PAG1: variants seen among roughly 807,000 people sequenced by gnomAD.
PAG1 encodes phosphoprotein membrane anchor with glycosphingolipid microdomains 1, also known as phosphoprotein associated with glycosphingolipid-enriched microdomains 1.
Under a neutral mutation model 31.7 loss-of-function variants are expected in PAG1, and 23 were observed. That is an observed-to-expected ratio of 0.73 (90% CI 0.52 to 1.03). The LOEUF is 1.03. Ranked by LOEUF, PAG1 falls within the 50% of genes least tolerant of loss-of-function variation. The pLI, the probability that PAG1 is intolerant of heterozygous loss-of-function variation, is 0.00. For synonymous variants in PAG1, 214 were observed against 210.3 expected (o/e 1.02, Z -0.15); for missense variants, 473 against 540.7 (o/e 0.87, Z 1.24).
At chr8:81,025,214 A>C (rs994724587) in intron 3 of PAG1, among the ~76,000 whole-genome samples, 1 of 151,780 alleles carries the variant, frequency 6.6e-6, no homozygotes. Context: ...AGACATTTTC[A>C]CCCACCTGAG....
chr8:81,044,668 A>G (rs1808610615), intron 2 of PAG1, among the ~76,000 whole-genome samples: 1 of 152,134 alleles, frequency 6.6e-6, no homozygotes, highest in Admixed American at 6.5e-5. Context: ...CTCCTTAGAG[A>G]TCTCACATAG....
chr8:80,982,050 G>A (rs59901921), intron 7 of PAG1, among the ~76,000 whole-genome samples: 74 of 151,872 alleles, frequency 4.9e-4, no homozygotes, highest in African/African-American at 1.7e-3. Context: ...ATTTTTTGTA[G>A]AGACGGGGTG....
chr8:81,053,512 A>C (rs1423319360), intron 2 of PAG1, among the ~76,000 whole-genome samples: 1 of 152,238 alleles, frequency 6.6e-6, no homozygotes, highest in Admixed American at 6.5e-5. Flanking sequence ...CTGTCAAAGG[A>C]ATTTCTGGTC....
At chr8:81,030,276 AT>A (rs1808357554) in intron 2 of PAG1, among the ~76,000 whole-genome samples, 187 bp from the exon 3 acceptor site, 1 of 152,260 alleles carries the variant, frequency 6.6e-6, no homozygotes, top group Non-Finnish European at 1.5e-5. Context: ...TAATAATTAA[AT>A]AAAAAAATTT....
intron 1 of PAG1, among the ~76,000 whole-genome samples, chr8:81,108,250 G>A (rs1352170938): frequency 6.6e-6 from 1 of 152,178 alleles, no homozygotes. Context: ...TAACTATTAA[G>A]TAAGCAAAAG....
intron 3 of PAG1, among the ~76,000 whole-genome samples, chr8:81,009,597 G>C (rs10808844): frequency 0.49 from 75,105 of 151,926 alleles, 21,331 homozygotes; most frequent in Non-Finnish European, 0.63. Context: ...TAGACCAGTG[G>C]TTTTCAACCC....
chr8:81,093,333 A>T (rs74861911), intron 1 of PAG1, among the ~76,000 whole-genome samples: 1,984 of 152,302 alleles, frequency 0.013, 45 homozygotes, highest in African/African-American at 0.044. Context: ...ATGAAGACCC[A>T]TGTATAATTA....
intron 1 of PAG1, among the ~76,000 whole-genome samples, chr8:81,089,547 G>A (rs1188670909): frequency 6.6e-6 from 1 of 150,388 alleles, no homozygotes; most frequent in African/African-American, 2.5e-5. Context: ...CAGCCTGGGC[G>A]ACAGAGCGAG....
chr8:81,108,703 C>T (rs1389646825), intron 1 of PAG1, among the ~76,000 whole-genome samples: 5 of 152,068 alleles, frequency 3.3e-5, no homozygotes, highest in Non-Finnish European at 7.4e-5. Context: ...CATTCCCCAC[C>T]TCTGGAACCC....
intron 1 of PAG1, among the ~76,000 whole-genome samples, chr8:81,081,682 T>C (rs865867051): frequency 2.0e-5 from 3 of 152,186 alleles, no homozygotes; most frequent in South Asian, 2.1e-4. Flanking sequence ...ATGTTACATG[T>C]AGCCATTTGG....
intron 2 of PAG1, among the ~76,000 whole-genome samples, chr8:81,058,342 G>C (rs1401890292): frequency 1.3e-5 from 2 of 152,130 alleles, no homozygotes; most frequent in Non-Finnish European, 2.9e-5. Flanking sequence ...GAATACTTGG[G>C]AAAAACAAAT....
chr8:80,978,106 C>A (rs950202237), intron 8 of PAG1, among the ~76,000 whole-genome samples: 2 of 152,106 alleles, frequency 1.3e-5, no homozygotes, highest in Non-Finnish European at 2.9e-5. Context: ...GACAGGCCTG[C>A]CACATGCTAA....
At chr8:81,097,330 G>T (rs1586218013) in intron 1 of PAG1, among the ~76,000 whole-genome samples, 1 of 152,198 alleles carries the variant, frequency 6.6e-6, no homozygotes, top group African/African-American at 2.4e-5. Context: ...ATGTGGAATG[G>T]GGTGCGGCAG....
chr8:81,088,355 T>C (rs765653363), intron 1 of PAG1, among the ~76,000 whole-genome samples: 6 of 152,242 alleles, frequency 3.9e-5, no homozygotes, highest in Non-Finnish European at 5.9e-5. Flanking sequence ...ATAATCATTA[T>C]TAACTGCGGA....
chr8:80,977,199 C>T (rs772720322), intron 8 of PAG1, among the ~76,000 whole-genome samples: 1 of 152,164 alleles, frequency 6.6e-6, no homozygotes, highest in Non-Finnish European at 1.5e-5. Flanking sequence ...CTGAAGGCCC[C>T]GGGGACCTGA....
At chr8:80,999,213 G>A (rs959083592) in intron 3 of PAG1, among the ~76,000 whole-genome samples, 1 of 152,234 alleles carries the variant, frequency 6.6e-6, no homozygotes, top group Non-Finnish European at 1.5e-5. Context: ...GCACGGATGA[G>A]TGTCTGTTGG....
intron 2 of PAG1, among the ~76,000 whole-genome samples, chr8:81,045,063 T>C (rs558787527): frequency 3.3e-5 from 5 of 152,230 alleles, no homozygotes; most frequent in African/African-American, 1.2e-4. Context: ...CCATTCAACA[T>C]CTCCTAGCAA....
intron 1 of PAG1, among the ~76,000 whole-genome samples, chr8:81,089,592 C>A (rs1172034856): frequency 6.6e-6 from 1 of 151,976 alleles, no homozygotes; most frequent in Non-Finnish European, 1.5e-5. Flanking sequence ...AAAAAAGAAC[C>A]CTGAGTTTAG....
At chr8:80,991,670 A>C (rs1807551139) in intron 4 of PAG1, 140 bp from the exon 5 acceptor site, 6 of 706,214 alleles carry the variant, frequency 8.5e-6, no homozygotes, top group Non-Finnish European at 1.3e-5. Flanking sequence ...ACAAAGACAA[A>C]ATCAGACAGT....
Sources: gnomAD v4.1 joint callset for allele counts (sites outside exome capture counted in the v4.1 genomes callset) on GRCh38, gnomAD v4.1.1 for gene constraint, MANE v1.5 for transcripts, NCBI Gene and HGNC (gene_info 2026-07-23, HGNC 2026-07-21) for gene names.